The following IRAK2 variants were observed in gnomAD, a reference collection of about 807,000 sequenced individuals.
IRAK2 encodes the protein interleukin 1 receptor associated kinase 2.
A neutral mutation model predicts 72.0 loss-of-function variants in IRAK2; 57 were observed. The observed-to-expected ratio is 0.79, with a 90% CI of 0.64 to 0.99. The LOEUF is 0.99. IRAK2 is among the 50% of genes least tolerant of loss of function. The pLI, the probability that IRAK2 is intolerant of heterozygous loss-of-function variation, is 0.00. For synonymous variants in IRAK2, 293 were observed against 312.7 expected (o/e 0.94, Z 0.67); for missense variants, 790 against 794.4 (o/e 0.99, Z 0.07).
intron 1 of IRAK2, among the ~76,000 whole-genome samples, chr3:10,169,730 C>A (rs1032274083): frequency 6.6e-6 from 1 of 152,164 alleles, no homozygotes; most frequent in Non-Finnish European, 1.5e-5. Context: ...GTTTTACAAA[C>A]AATTTATACA....
At chr3:10,201,764 C>T (rs1209550150) in intron 3 of IRAK2, among the ~76,000 whole-genome samples, 2 of 152,208 alleles carry the variant, frequency 1.3e-5, no homozygotes, top group Non-Finnish European at 2.9e-5. Context: ...CCTCCTGTCT[C>T]CTGCGGCCTC....
Position 10,238,892 on chromosome 3 carries a change from T to C in IRAK2, c.1618T>C (p.Ser540Pro). ...CGTTGACAATTCCAGCCTTGATGCC[T>C]CCTCCTCCATGAGTGTGGCACCCTG... The part of the protein sequence containing the change: ...DDVDNSSLDA[S>P]SSMSVAPWAG... The change falls in exon 12 of 13, where the codon TCC becomes CCC. Residue 540 changes from serine (S) to proline (P), a missense_variant. By Grantham distance (74) the Ser-to-Pro change is moderately conservative. Coordinates refer to ENST00000256458, the MANE Select transcript of IRAK2 (RefSeq NM_001570.4). 6.2e-7 allele frequency: 1 copy of C among 1,614,048 alleles called. No homozygotes were observed. Among genetic ancestry groups the C allele is most frequent in the Non-Finnish European group, 8.5e-7 (1 of 1,179,990 alleles).
intron 12 of IRAK2, among the ~76,000 whole-genome samples, chr3:10,240,380 C>G (rs999314315): frequency 1.3e-5 from 2 of 151,186 alleles, no homozygotes; most frequent in Admixed American, 6.6e-5. Flanking sequence ...TTGCTTGAAC[C>G]CGGGAGGTGG....
intron 3 of IRAK2, among the ~76,000 whole-genome samples, chr3:10,204,531 C>G (rs371038511): frequency 6.6e-6 from 1 of 152,084 alleles, no homozygotes. Context: ...GTCGGATCAC[C>G]TCAGGTCAGG....
intron 1 of IRAK2, among the ~76,000 whole-genome samples, chr3:10,172,166 T>C (rs1696803688): frequency 6.6e-6 from 1 of 150,552 alleles, no homozygotes; most frequent in Non-Finnish European, 1.5e-5. Flanking sequence ...GTCAGGAGAT[T>C]GAGACCATCC....
At chr3:10,226,475 C>T (rs1441202063) in intron 10 of IRAK2, 42 bp downstream of exon 10, 2 of 1,530,162 alleles carry the variant, frequency 1.3e-6, no homozygotes, top group South Asian at 1.1e-5. Flanking sequence ...TATATTTGGG[C>T]CTCACAGCTC....
chr3:10,242,455 T>G lies in IRAK2; in HGVS notation c.*227T>G. 3.0e-6 allele frequency: 1 copy of G among 337,648 alleles called. No homozygotes were observed. The highest frequency in any genetic ancestry group is 5.3e-5 in the South Asian group (1 of 18,954). The allele number at this position is 337,648 out of a possible 1,614,324, so 20.9% of individuals were successfully genotyped here. A position where few individuals can be genotyped will look rare whatever the true frequency, so the allele number is the denominator to read the frequency against. On this transcript the variant is annotated 3_prime_UTR_variant, in exon 13 of 13. Transcript: ENST00000256458. ...AAGTCTCTTCCTTTCTGGGCTTTGT[T>G]AGTCAGAGCAGGGGATCAGAGGAGA...
At chr3:10,222,917 G>C (rs942273338) in intron 9 of IRAK2, 86 bp downstream of exon 9, 1 of 1,237,892 alleles carries the variant, frequency 8.1e-7, no homozygotes, top group Non-Finnish European at 1.2e-6. Context: ...ATACGGTAGA[G>C]GCACACAGAC....
intron 7 of IRAK2, among the ~76,000 whole-genome samples, chr3:10,217,794 C>T (rs1412866903): frequency 6.6e-6 from 1 of 152,128 alleles, no homozygotes; most frequent in Non-Finnish European, 1.5e-5. Flanking sequence ...CTTCCCATGG[C>T]AGGGACAAGA....
chr3:10,208,482 G>T (rs1047323947), intron 3 of IRAK2, among the ~76,000 whole-genome samples: 1 of 151,812 alleles, frequency 6.6e-6, no homozygotes, highest in Non-Finnish European at 1.5e-5. Flanking sequence ...TCTTTTGTAG[G>T]ACTGAGCGCA....
At chr3:10,213,616 C>G (rs1235297243) in intron 6 of IRAK2, 68 bp downstream of exon 6, 12 of 1,240,478 alleles carry the variant, frequency 9.7e-6, no homozygotes, top group Non-Finnish European at 1.4e-5. Flanking sequence ...TGTGCCCAGT[C>G]ATGTTTTAAG....
chr3:10,175,150 C>G (rs1197978246), intron 1 of IRAK2, among the ~76,000 whole-genome samples: 1 of 151,764 alleles, frequency 6.6e-6, no homozygotes, highest in African/African-American at 2.4e-5. Flanking sequence ...ATTTTTGAGA[C>G]TCAGTCTCTG....
At chr3:10,192,023 A>T (rs1185435899) in intron 2 of IRAK2, among the ~76,000 whole-genome samples, 2 of 135,706 alleles carry the variant, frequency 1.5e-5, no homozygotes, top group Non-Finnish European at 3.2e-5. Flanking sequence ...TTGAGTTGGG[A>T]GTGTGTGTGT....
rs745614113 is a variant in IRAK2 at position 10,209,694 on chromosome 3, T to C, written c.528+2T>C. ...CTCCCCACTTCGTCTGATTCAAAGG[T>C]AAATCCACCCCTCGGCTGCAGCCCC... On this transcript the variant is annotated splice_donor_variant, in intron 4 of 12. Coordinates refer to ENST00000256458, the MANE Select transcript of IRAK2 (RefSeq NM_001570.4). LOFTEE classifies it high-confidence loss of function. 6.7e-7 allele frequency: 1 copy of C among 1,484,002 alleles called. No homozygotes were observed. The highest frequency in any genetic ancestry group is 2.6e-5 in the East Asian group (1 of 38,424). 91.9% of individuals were successfully genotyped at this position (1,484,002 alleles called of 1,614,324 possible).
At chr3:10,194,413 C>G (rs775439280) in intron 2 of IRAK2, among the ~76,000 whole-genome samples, 17 of 151,942 alleles carry the variant, frequency 1.1e-4, no homozygotes, top group Non-Finnish European at 1.9e-4. Context: ...TGAGGCTGCC[C>G]CTGTCTATCT....
In IRAK2 at chr3:10,219,697, C is replaced by A; in HGVS notation, c.921C>A (p.Leu307=). Residue 307 remains leucine, a synonymous_variant, in exon 8 of 13, where the codon CTC becomes CTA. Coordinates refer to ENST00000256458, the MANE Select transcript of IRAK2 (RefSeq NM_001570.4). ...TCTCTTAGGGTGGCTCGGACCCCCT[C>A]CCCTGGCCCCAGCGTGTCAGCATCT... The part of the protein sequence containing the change: ...RLQGQGGSDP[L]PWPQRVSICS... The A allele has an allele frequency of 6.2e-7, 1 of 1,613,480 alleles. No individual in the cohort carries two copies. Among genetic ancestry groups the A allele is most frequent in the South Asian group, 1.1e-5 (1 of 91,074 alleles).
At chr3:10,175,852 C>A (rs1696864617) in intron 1 of IRAK2, among the ~76,000 whole-genome samples, 1 of 135,574 alleles carries the variant, frequency 7.4e-6, no homozygotes. Flanking sequence ...GAGTGCACCA[C>A]TGCACTCCAG....
chr3:10,226,995 T>C (rs1157057861), intron 10 of IRAK2, among the ~76,000 whole-genome samples: 1 of 151,316 alleles, frequency 6.6e-6, no homozygotes, highest in Non-Finnish European at 1.5e-5. Context: ...AAAGCACTTG[T>C]ATAAAAGAGA....
chr3:10,209,356 C>T (rs1697483561), intron 3 of IRAK2, among the ~76,000 whole-genome samples: 1 of 152,202 alleles, frequency 6.6e-6, no homozygotes, highest in Non-Finnish European at 1.5e-5. Flanking sequence ...GTCTCCGTGT[C>T]TCCACTTGCC....
Sources: gnomAD v4.1 joint callset for allele counts (sites outside exome capture counted in the v4.1 genomes callset) on GRCh38, gnomAD v4.1.1 for gene constraint, MANE v1.5 for transcripts, NCBI Gene and HGNC (gene_info 2026-07-23, HGNC 2026-07-21) for gene names.